Variants in CALCRL observed in about 807,000 individuals in gnomAD.
CALCRL encodes the protein calcitonin receptor like receptor.
A neutral mutation model predicts 60.4 loss-of-function variants in CALCRL; 27 were observed. The ratio of observed to expected loss-of-function variants is 0.45; its 90% CI spans 0.33 to 0.62. The LOEUF (loss-of-function observed/expected upper bound fraction) is 0.62. Among genes scored for constraint, CALCRL ranks in the 20% least tolerant of loss-of-function variants. The pLI is 0.03. For synonymous variants in CALCRL, 190 were observed against 182.6 expected (o/e 1.04, Z -0.33); for missense variants, 424 against 540.7 (o/e 0.78, Z 2.14).
rs1686186220 is a variant in CALCRL, at chr2:187,344,007, A to G, written c.*2177T>C. 6.6e-6 allele frequency: 1 copy of G among 150,510 alleles called. No homozygotes were observed. Among genetic ancestry groups the G allele is most frequent in the South Asian group, 2.1e-4 (1 of 4,808 alleles). 9.3% of individuals were successfully genotyped at this position (150,510 alleles called of 1,614,324 possible). On this transcript the variant is annotated 3_prime_UTR_variant, in exon 15 of 15. Transcript: ENST00000392370. ...TTTTAATATAATCTCTGATCATTCA[A>G]CATTTTTTACTGTCACTTCTACTGT...
intron 1 of CALCRL, among the ~76,000 whole-genome samples, chr2:187,419,474 A>G (rs751559397): frequency 1.3e-5 from 2 of 152,164 alleles, no homozygotes; most frequent in African/African-American, 2.4e-5. Flanking sequence ...CAGAACTGTT[A>G]CAAAATAAAT....
chr2:187,353,676 A>G (rs1686636506), intron 12 of CALCRL, among the ~76,000 whole-genome samples: 1 of 152,026 alleles, frequency 6.6e-6, no homozygotes, highest in Non-Finnish European at 1.5e-5. Flanking sequence ...TGAGAATGAA[A>G]TGTGACAAAT....
At chr2:187,447,730 G>A (rs1691257703) in intron 1 of CALCRL, among the ~76,000 whole-genome samples, 1 of 151,974 alleles carries the variant, frequency 6.6e-6, no homozygotes, top group South Asian at 2.1e-4. Flanking sequence ...TAATATTAGA[G>A]CTAATTTTAA....
intron 12 of CALCRL, among the ~76,000 whole-genome samples, chr2:187,354,741 A>G (rs858751): frequency 0.87 from 132,045 of 151,986 alleles, 57,586 homozygotes; most frequent in African/African-American, 0.91. Flanking sequence ...GACCAGCTTG[A>G]TGGGCTATAT....
Position 187,366,920 on chromosome 2 carries a change from C to CACACACACACACA in CALCRL, c.501-3419_501-3418insTGTGTGTGTGTGT, listed in dbSNP as rs1491502658. ...AAATGTCATTATTGTGAGTATAACC[C>CACACACACACACA]CACACACACACACACACACACACAC... On this transcript the variant is annotated intron_variant, in intron 8 of 14. Transcript: ENST00000392370. Among the ~76,000 whole-genome samples, 119 of 97,594 alleles carry CACACACACACACA rather than the reference C, an allele frequency of 1.2e-3. 4 individuals are homozygous for CACACACACACACA. The highest frequency in any genetic ancestry group is 2.6e-3 in the South Asian group (7 of 2,674). The allele number at this position is 97,594 out of a possible 152,430, so 64.0% of individuals were successfully genotyped here.
chr2:187,413,398 T>C (rs1471149277), intron 1 of CALCRL, among the ~76,000 whole-genome samples: 1 of 152,190 alleles, frequency 6.6e-6, no homozygotes, highest in East Asian at 1.9e-4. Flanking sequence ...TGTAAGTGAA[T>C]CACTATTTTT....
chr2:187,443,978 T>G (rs1691048299), intron 1 of CALCRL, among the ~76,000 whole-genome samples: 2 of 151,726 alleles, frequency 1.3e-5, no homozygotes, highest in Non-Finnish European at 3.0e-5. Flanking sequence ...AAATTTATCT[T>G]CATTTTGGTT....
chr2:187,386,047 A>C (rs1193330003), intron 3 of CALCRL, among the ~76,000 whole-genome samples: 2 of 152,112 alleles, frequency 1.3e-5, no homozygotes, highest in East Asian at 3.9e-4. Context: ...CAAATGTTTA[A>C]GAACATTATG....
chr2:187,352,589 G>A (rs959583053), intron 12 of CALCRL, among the ~76,000 whole-genome samples: 1 of 151,704 alleles, frequency 6.6e-6, no homozygotes, highest in East Asian at 1.9e-4. Context: ...AACATATTCA[G>A]TTGAAGAATA....
At chr2:187,406,288 CT>C (rs1689122861) in intron 1 of CALCRL, among the ~76,000 whole-genome samples, 2 of 151,470 alleles carry the variant, frequency 1.3e-5, no homozygotes, top group African/African-American at 4.8e-5. Context: ...AATTTCTTGG[CT>C]GTAATATTGC....
intron 1 of CALCRL, among the ~76,000 whole-genome samples, chr2:187,438,042 C>A (rs1574328058): frequency 6.6e-6 from 1 of 151,958 alleles, no homozygotes; most frequent in Non-Finnish European, 1.5e-5. Context: ...TATTTGAACT[C>A]AGAAGAAAGA....
intron 1 of CALCRL, among the ~76,000 whole-genome samples, chr2:187,421,271 AAAT>A (rs1407161276): frequency 2.6e-5 from 4 of 152,194 alleles, no homozygotes; most frequent in African/African-American, 9.6e-5. Flanking sequence ...AATTATATCT[AAAT>A]AATCTCTTCC....
intron 1 of CALCRL, among the ~76,000 whole-genome samples, chr2:187,409,001 G>A (rs1689248969): frequency 6.6e-6 from 1 of 152,132 alleles, no homozygotes; most frequent in Non-Finnish European, 1.5e-5. Context: ...CACATAAAAT[G>A]TTCACAACTA....
At chr2:187,385,752 TG>T in intron 3 of CALCRL, 121 bp from the exon 4 acceptor site, 1 of 637,408 alleles carries the variant, frequency 1.6e-6, no homozygotes, top group Non-Finnish European at 2.7e-6. Flanking sequence ...TTTAAAGATT[TG>T]ATAAATCATT....
intron 1 of CALCRL, among the ~76,000 whole-genome samples, chr2:187,433,208 C>T (rs1033229582): frequency 1.3e-5 from 2 of 152,014 alleles, no homozygotes; most frequent in Non-Finnish European, 1.5e-5. Flanking sequence ...TGAGTATTTT[C>T]CCAACTTGCT....
In CALCRL at chr2:187,345,718, T is replaced by C. The variant is rs1436038472; in HGVS notation, c.*466A>G. 1 of 152,112 alleles carries C rather than the reference T, an allele frequency of 6.6e-6. No homozygotes were observed. The highest frequency in any genetic ancestry group is 1.5e-5 in the Non-Finnish European group (1 of 68,130). The allele number at this position is 152,112 out of a possible 1,614,324, so 9.4% of individuals were successfully genotyped here. A position where few individuals can be genotyped will look rare whatever the true frequency, so the allele number is the denominator to read the frequency against. Reference sequence around the variant, plus strand: ...AAAAAGTCAACTGCCCCAATCAAGATGGGATAAAGAGTTTTAAAACTAAAA... The same window carrying C: ...AAAAAGTCAACTGCCCCAATCAAGACGGGATAAAGAGTTTTAAAACTAAAA... On this transcript the variant is annotated 3_prime_UTR_variant, in exon 15 of 15. Coordinates refer to ENST00000392370, the MANE Select transcript of CALCRL (RefSeq NM_005795.6).
chr2:187,357,403 A>G (rs1686842613), intron 12 of CALCRL, among the ~76,000 whole-genome samples: 1 of 151,066 alleles, frequency 6.6e-6, no homozygotes, highest in Non-Finnish European at 1.5e-5. Context: ...TAACACAGGA[A>G]CAGAAAACCA....
intron 1 of CALCRL, among the ~76,000 whole-genome samples, chr2:187,425,685 A>G (rs1221677744): frequency 1.3e-5 from 2 of 151,948 alleles, no homozygotes; most frequent in Non-Finnish European, 2.9e-5. Context: ...TGTATTCCTT[A>G]TAGTGCGGGA....
intron 1 of CALCRL, among the ~76,000 whole-genome samples, chr2:187,397,117 C>T (rs1406509232): frequency 6.6e-6 from 1 of 151,632 alleles, no homozygotes; most frequent in African/African-American, 2.4e-5. Context: ...TTAGAATGCA[C>T]TAAATATGAC....
Sources: gnomAD v4.1 joint callset for allele counts (sites outside exome capture counted in the v4.1 genomes callset) on GRCh38, gnomAD v4.1.1 for gene constraint, MANE v1.5 for transcripts, NCBI Gene and HGNC (gene_info 2026-07-23, HGNC 2026-07-21) for gene names.